KDM2B: variants seen among roughly 807,000 people sequenced by gnomAD.
KDM2B encodes lysine demethylase 2B, also known as lysine-specific demethylase 2B.
KDM2B carries 26 observed loss-of-function variants against 150.0 expected under a neutral mutation model. The ratio of observed to expected loss-of-function variants is 0.17; its 90% CI spans 0.13 to 0.24. The LOEUF (loss-of-function observed/expected upper bound fraction) is 0.24. Ranked by LOEUF, KDM2B falls within the 10% of genes least tolerant of loss-of-function variation. The probability of loss-of-function intolerance (pLI) is 1.00; values close to 1 mark genes in which losing one functional copy is unlikely to be tolerated. For synonymous variants in KDM2B, 734 were observed against 729.5 expected, an observed-to-expected ratio of 1.01 and a Z score of -0.10; for missense variants, 1,265 against 1,816.9, an observed-to-expected ratio of 0.70 and a Z score of 5.52.
In KDM2B at chr12:121,479,242, G is replaced by A. The variant is rs372676623; in HGVS notation, c.1734+15337C>T. Reference sequence around the variant, plus strand: ...AGGCGGGCGGATCATGAGGTCAGAAGATCGAGACCATCCTGGCTAACAAGG... The same window carrying A: ...AGGCGGGCGGATCATGAGGTCAGAAAATCGAGACCATCCTGGCTAACAAGG... On this transcript the variant is annotated intron_variant, in intron 12 of 22. Coordinates refer to ENST00000377071, the MANE Select transcript of KDM2B (RefSeq NM_032590.5). 1.3e-3 allele frequency among the ~76,000 whole-genome samples: 198 copies of A among 152,000 alleles called. No homozygotes were observed. In the South Asian group the frequency reaches 0.019, roughly 14 times the overall value.
At chr12:121,470,567 C>G (rs1478920778) in intron 12 of KDM2B, 5 of 152,250 alleles carry the variant, frequency 3.3e-5, no homozygotes, top group African/African-American at 1.2e-4. Flanking sequence ...GACATGATCT[C>G]ACTTATTCCT....
At chr12:121,428,711 A>AAATT (rs1872640860), downstream of KDM2B, among the ~76,000 whole-genome samples, 1 of 152,146 alleles carries the variant, frequency 6.6e-6, no homozygotes, top group African/African-American at 2.4e-5. Context: ...CCGTAATCTA[A>AAATT]AATTACTTCT....
chr12:121,551,544 TTTTC>T (rs1203299743), intron 4 of KDM2B, among the ~76,000 whole-genome samples: 1 of 151,440 alleles, frequency 6.6e-6, no homozygotes, highest in African/African-American at 2.4e-5. Context: ...AGGGTTTTGG[TTTTC>T]TTTGTTTGGT....
intron 4 of KDM2B, among the ~76,000 whole-genome samples, chr12:121,568,331 G>T (rs1335998677): frequency 1.3e-5 from 2 of 151,840 alleles, no homozygotes; most frequent in Admixed American, 6.6e-5. Context: ...GTGGTGGCGG[G>T]CGCCTCTAAT....
chr12:121,572,446 G>A lies in KDM2B; in HGVS notation c.397+2101C>T, dbSNP rs983824805. On this transcript the variant is annotated intron_variant, in intron 4 of 22. Coordinates refer to ENST00000377071, the MANE Select transcript of KDM2B (RefSeq NM_032590.5). ...GTTCCGCACTCCAAGTTTATCCCCC[G>A]ACTTCCCTTGTGCCCTTGCTCTTCC... 3.9e-5 allele frequency among the ~76,000 whole-genome samples: 6 copies of A among 152,026 alleles called. 1 individual carries two copies. Among genetic ancestry groups the A allele is most frequent in the African/African-American group, 1.4e-4 (6 of 41,406 alleles).
intron 1 of KDM2B, 79 bp downstream of exon 1, chr12:121,580,707 C>G (rs1891913930): frequency 6.7e-7 from 1 of 1,490,640 alleles, no homozygotes; most frequent in Non-Finnish European, 9.0e-7. Context: ...CAAAAACGAC[C>G]CCCCACCTCC....
intron 1 of KDM2B, chr12:121,580,197 C>T (rs1566443416): frequency 1.2e-5 from 18 of 1,517,836 alleles, no homozygotes; most frequent in Non-Finnish European, 1.3e-5. Flanking sequence ...AAGTTTTGCA[C>T]CAACACTTAG....
intron 11 of KDM2B, among the ~76,000 whole-genome samples, chr12:121,495,223 G>A (rs568696030): frequency 4.4e-4 from 67 of 151,448 alleles, no homozygotes; most frequent in Admixed American, 1.4e-3. Context: ...GTTCAGTGGC[G>A]CAATCTGGGC....
chr12:121,440,481 C>T (rs1395144109), intron 21 of KDM2B: 5 of 378,502 alleles, frequency 1.3e-5, no homozygotes, highest in Non-Finnish European at 2.4e-5. Flanking sequence ...GGCTTGAAAC[C>T]AACGAGGGGC....
downstream of KDM2B, among the ~76,000 whole-genome samples, chr12:121,428,643 A>AGTT (rs1872634215): frequency 1.3e-5 from 2 of 152,206 alleles, no homozygotes; most frequent in Admixed American, 1.3e-4. Context: ...TCACTAGAGC[A>AGTT]GTTGTTTCTG....
chr12:121,493,652 A>T (rs78306573), intron 12 of KDM2B, among the ~76,000 whole-genome samples: 1,765 of 152,204 alleles, frequency 0.012, 35 homozygotes, highest in African/African-American at 0.04. Flanking sequence ...CTAACGGGTG[A>T]CTTGACCTTT....
intron 22 of KDM2B, chr12:121,433,217 A>G (rs782432430): frequency 2.2e-5 from 10 of 456,708 alleles, no homozygotes; most frequent in South Asian, 7.7e-5. Context: ...GCTAGAAGGA[A>G]AAGACTTTCT....
intron 9 of KDM2B, chr12:121,516,396 T>TTTTA (rs1473352414): frequency 6.2e-6 from 6 of 969,724 alleles, no homozygotes; most frequent in Middle Eastern, 3.0e-4. Flanking sequence ...GAATTCAAAT[T>TTTTA]TTTATTTATT....
At chr12:121,487,764 A>G (rs1428786171) in intron 12 of KDM2B, among the ~76,000 whole-genome samples, 2 of 150,302 alleles carry the variant, frequency 1.3e-5, no homozygotes, top group Non-Finnish European at 3.0e-5. Flanking sequence ...CCCGTCTAGG[A>G]GGAGGAAGAG....
chr12:121,475,868 C>T (rs1881304841), intron 12 of KDM2B, among the ~76,000 whole-genome samples: 1 of 151,472 alleles, frequency 6.6e-6, no homozygotes, highest in Non-Finnish European at 1.5e-5. Flanking sequence ...TATCATCACT[C>T]AAGAGAGATT....
chr12:121,426,667 C>T (rs1395640149), downstream of KDM2B, among the ~76,000 whole-genome samples: 1 of 149,190 alleles, frequency 6.7e-6, no homozygotes, highest in Non-Finnish European at 1.5e-5. Context: ...GCTCTGTTGC[C>T]CAGGCTGAAG....
intron 11 of KDM2B, 101 bp downstream of exon 11, chr12:121,509,466 A>G (rs1885387819): frequency 6.6e-7 from 1 of 1,521,248 alleles, no homozygotes; most frequent in South Asian, 1.3e-5. Context: ...GCTCAGAGCA[A>G]TCTGCACAGA....
At chr12:121,440,247 A>T (rs782766347) in intron 21 of KDM2B, 172 bp from the exon 22 acceptor site, 7 of 605,728 alleles carry the variant, frequency 1.2e-5, no homozygotes, top group African/African-American at 3.7e-5. Context: ...CAGACTCCAC[A>T]TCAAAACTTA....
Position 121,513,149 on chromosome 12 carries a change from G to T in KDM2B, c.1174+127C>A. ...AATGGCTTCCCCTGAGGGGTTCCTA[G>T]GATTCTGCCCAATACACTGATTCAA... On this transcript the variant is annotated intron_variant, in intron 10 of 22. Coordinates refer to ENST00000377071, the MANE Select transcript of KDM2B (RefSeq NM_032590.5). The surrounding 1 kb of genome is among the most constrained non-coding windows in gnomAD (Gnocchi z 5.0). The T allele has an allele frequency of 9.3e-7, 1 of 1,079,754 alleles. No homozygotes were observed. The allele number at this position is 1,079,754 out of a possible 1,614,324, so 66.9% of individuals were successfully genotyped here. A position where few individuals can be genotyped will look rare whatever the true frequency, so the allele number is the denominator to read the frequency against.
Sources: gnomAD v4.1 joint callset for allele counts (sites outside exome capture counted in the v4.1 genomes callset) on GRCh38, gnomAD v4.1.1 for gene constraint, Gnocchi (gnomAD v3.1) non-coding constraint, MANE v1.5 for transcripts, NCBI Gene and HGNC (gene_info 2026-07-23, HGNC 2026-07-21) for gene names.